Variants in MMP26 observed in about 807,000 individuals in gnomAD.
MMP26 encodes matrix metallopeptidase 26.
In MMP26, 33 loss-of-function variants were observed where a neutral mutation model predicts 31.0. The observed-to-expected ratio is 1.06, with a 90% CI of 0.81 to 1.42. The LOEUF is 1.42. MMP26 is among the 40% of genes most tolerant of loss of function. The probability of loss-of-function intolerance (pLI) is 0.00; values close to 1 mark genes in which losing one functional copy is unlikely to be tolerated. For missense variants in MMP26, 347 were observed against 316.1 expected (o/e 1.10, Z -0.74); for synonymous variants, 122 against 114.9 (o/e 1.06, Z -0.40).
chr11:4,817,797 T>C (rs1849441787), intron 2 of MMP26, among the ~76,000 whole-genome samples: 1 of 152,086 alleles, frequency 6.6e-6, no homozygotes, highest in Middle Eastern at 3.2e-3. Context: ...GTCCCAAGGG[T>C]CTCTTGGCAA....
At chr11:4,869,087 A>C (rs940021811) in intron 2 of MMP26, among the ~76,000 whole-genome samples, 3 of 152,228 alleles carry the variant, frequency 2.0e-5, no homozygotes, top group Admixed American at 6.5e-5. Flanking sequence ...TAAAGACTTA[A>C]ATGTTAGACC....
chr11:4,803,924 G>C (rs376513480), intron 2 of MMP26: 4 of 1,613,196 alleles, frequency 2.5e-6, no homozygotes, highest in Non-Finnish European at 2.5e-6. Context: ...AGCCCTCTCA[G>C]CATCACGATG....
intron 1 of MMP26, among the ~76,000 whole-genome samples, chr11:4,744,790 A>G (rs775492226): frequency 2.5e-4 from 38 of 152,202 alleles, no homozygotes; most frequent in Non-Finnish European, 4.7e-4. Flanking sequence ...TAAAAATTAT[A>G]TATATGTGCA....
intron 1 of MMP26, among the ~76,000 whole-genome samples, chr11:4,759,902 C>T (rs749964146): frequency 1.3e-5 from 2 of 152,140 alleles, no homozygotes; most frequent in Non-Finnish European, 2.9e-5. Flanking sequence ...TTTCTGCATT[C>T]GCCACTACCC....
chr11:4,808,790 G>A (rs148564229), intron 2 of MMP26, among the ~76,000 whole-genome samples: 2 of 150,198 alleles, frequency 1.3e-5, no homozygotes, highest in Admixed American at 1.3e-4. Flanking sequence ...CAATGGAGGA[G>A]CAGGGCTGCC....
At chr11:4,883,446 A>G (rs1364454609) in intron 2 of MMP26, among the ~76,000 whole-genome samples, 1 of 152,058 alleles carries the variant, frequency 6.6e-6, no homozygotes, top group African/African-American at 2.4e-5. Context: ...CTATACCTCT[A>G]TCTTTCTTTA....
chr11:4,982,554 A>G (rs549736288), intron 2 of MMP26, among the ~76,000 whole-genome samples: 2 of 152,338 alleles, frequency 1.3e-5, no homozygotes, highest in African/African-American at 4.8e-5. Flanking sequence ...CCTAATTTGT[A>G]AAATAAAAGT....
intron 2 of MMP26, chr11:4,923,480 G>A (rs776718496): frequency 1.2e-6 from 2 of 1,613,954 alleles, no homozygotes; most frequent in East Asian, 2.2e-5. Context: ...GTTCATAAGG[G>A]GTGGTACCAG....
intron 2 of MMP26, among the ~76,000 whole-genome samples, chr11:4,866,597 T>C (rs1850237568): frequency 6.6e-6 from 1 of 152,136 alleles, no homozygotes; most frequent in Non-Finnish European, 1.5e-5. Flanking sequence ...AAAATTCATA[T>C]GGAACCAAAA....
chr11:4,845,358 A>G (rs1163008111), intron 2 of MMP26, among the ~76,000 whole-genome samples: 1 of 152,170 alleles, frequency 6.6e-6, no homozygotes, highest in Non-Finnish European at 1.5e-5. Flanking sequence ...ATTTAATGCA[A>G]TTCCAATGAA....
chr11:4,751,280 T>A (rs918776473), intron 1 of MMP26, among the ~76,000 whole-genome samples: 4 of 152,154 alleles, frequency 2.6e-5, no homozygotes, highest in Non-Finnish European at 2.9e-5. Context: ...ATTTAGGAAA[T>A]GTACAGTCTT....
Position 4,715,992 on chromosome 11 carries a change from G to A in MMP26, c.-217+10947G>A, listed in dbSNP as rs919188070. Among the ~76,000 whole-genome samples, 8 of 152,308 alleles carry A rather than the reference G, an allele frequency of 5.3e-5. No individual in the cohort carries two copies. In the East Asian group the frequency reaches 1.2e-3, roughly 22 times the overall value. The stretch of plus-strand genomic sequence containing the variant: ...AGTCTTTAAAAGAGAGAAGAATCTC[G>A]AAGGAGGTTCTACTGCTGGATTTGA... On this transcript the variant is annotated intron_variant, in intron 1 of 7. Transcript: ENST00000380390.
At chr11:4,711,251 C>T (rs528357876) in intron 1 of MMP26, 1 of 152,086 alleles carries the variant, frequency 6.6e-6, no homozygotes, top group Non-Finnish European at 1.5e-5. Flanking sequence ...AATACTGATA[C>T]AAATATAAAT....
At chr11:4,761,036 C>T (rs1181498190) in intron 1 of MMP26, among the ~76,000 whole-genome samples, 2 of 152,030 alleles carry the variant, frequency 1.3e-5, no homozygotes, top group African/African-American at 4.8e-5. Context: ...TAGAAGTGAA[C>T]AAAACAGTGG....
At chr11:4,789,798 CT>C (rs1325412357) in intron 2 of MMP26, among the ~76,000 whole-genome samples, 20 of 151,638 alleles carry the variant, frequency 1.3e-4, no homozygotes, top group African/African-American at 4.8e-4. Flanking sequence ...CCCCAGCCTC[CT>C]AAAGTGCTGG....
intron 1 of MMP26, among the ~76,000 whole-genome samples, chr11:4,735,768 A>C (rs1227644708): frequency 1.4e-5 from 2 of 146,582 alleles, no homozygotes; most frequent in African/African-American, 5.0e-5. Context: ...CAATAGTTCT[A>C]ATTTAATCAA....
intron 2 of MMP26, chr11:4,915,682 G>C: frequency 6.3e-7 from 1 of 1,582,886 alleles, no homozygotes; most frequent in African/African-American, 1.3e-5. Flanking sequence ...GAGACAAGGG[G>C]GAAGGTGGGT....
intron 2 of MMP26, among the ~76,000 whole-genome samples, chr11:4,872,757 A>G (rs990365400): frequency 2.6e-5 from 4 of 151,952 alleles, no homozygotes; most frequent in Non-Finnish European, 4.4e-5. Flanking sequence ...AGGACTCTCA[A>G]TGCCACTCCT....
intron 2 of MMP26, chr11:4,908,776 A>AT (rs1195920227): frequency 6.2e-6 from 1 of 160,738 alleles, no homozygotes; most frequent in Non-Finnish European, 1.4e-5. Context: ...AGTGAACCAG[A>AT]TTTTGGAGCA....
Sources: gnomAD v4.1 joint callset for allele counts (sites outside exome capture counted in the v4.1 genomes callset) on GRCh38, gnomAD v4.1.1 for gene constraint, MANE v1.5 for transcripts, NCBI Gene and HGNC (gene_info 2026-07-23, HGNC 2026-07-21) for gene names.